SHISA9: variants seen among roughly 807,000 people sequenced by gnomAD.
SHISA9 encodes shisa family member 9.
Under a neutral mutation model 38.0 loss-of-function variants are expected in SHISA9, and 13 were observed. The observed-to-expected ratio is 0.34, with a 90% CI of 0.22 to 0.54. SHISA9 has a LOEUF of 0.54. Among genes scored for constraint, SHISA9 ranks in the 20% least tolerant of loss-of-function variants. The pLI is 0.91. For missense variants in SHISA9, 538 were observed against 575.8 expected (o/e 0.93, Z 0.67); for synonymous variants, 275 against 242.0 (o/e 1.14, Z -1.27).
At chr16:13,191,245 T>C (rs73507119) in intron 2 of SHISA9, among the ~76,000 whole-genome samples, 189 of 152,384 alleles carry the variant, frequency 1.2e-3, no homozygotes, top group African/African-American at 4.4e-3. Flanking sequence ...TTTGTTCTTA[T>C]GAGACTAACT....
At chr16:13,371,196 T>C in the SHISA9 span, among the ~76,000 whole-genome samples, 1 of 152,198 alleles carries the variant, frequency 6.6e-6, no homozygotes, top group Non-Finnish European at 1.5e-5. Context: ...AGAGTTGGGA[T>C]TTGAACCTAG....
the SHISA9 span, among the ~76,000 whole-genome samples, chr16:13,484,517 C>G: frequency 6.6e-6 from 1 of 152,186 alleles, no homozygotes; most frequent in South Asian, 2.1e-4. Context: ...ATGCTTCCAG[C>G]CAGCCCTCAG....
the SHISA9 span, among the ~76,000 whole-genome samples, chr16:13,257,936 C>G: frequency 6.6e-6 from 1 of 152,162 alleles, no homozygotes; most frequent in Admixed American, 6.5e-5. Flanking sequence ...TTGCAAGCAT[C>G]CTTCGCTAAA....
At chr16:13,443,018 T>C in the SHISA9 span, among the ~76,000 whole-genome samples, 5 of 152,284 alleles carry the variant, frequency 3.3e-5, no homozygotes, top group East Asian at 9.6e-4. Flanking sequence ...CTTTCCTTCA[T>C]CAGAGCCATA....
the SHISA9 span, among the ~76,000 whole-genome samples, chr16:13,366,422 C>T: frequency 6.6e-6 from 1 of 152,190 alleles, no homozygotes; most frequent in African/African-American, 2.4e-5. Flanking sequence ...ATACAGATCA[C>T]TTAAGGATCT....
At chr16:13,258,817 C>T in the SHISA9 span, among the ~76,000 whole-genome samples, 1 of 152,194 alleles carries the variant, frequency 6.6e-6, no homozygotes, top group Non-Finnish European at 1.5e-5. Flanking sequence ...ATTCAATTAC[C>T]TCCCTCTGGG....
chr16:13,495,074 C>T, the SHISA9 span, among the ~76,000 whole-genome samples: 1 of 151,994 alleles, frequency 6.6e-6, no homozygotes, highest in East Asian at 1.9e-4. Context: ...GGTATAAAGA[C>T]GGGGTGGAAA....
At chr16:13,246,488 A>T in the SHISA9 span, 1 of 152,208 alleles carries the variant, frequency 6.6e-6, no homozygotes, top group Non-Finnish European at 1.5e-5. Context: ...TTTCTCATAC[A>T]TTCAGTCTCA....
At chr16:12,937,706 C>T (rs1254026216) in intron 2 of SHISA9, among the ~76,000 whole-genome samples, 1 of 152,162 alleles carries the variant, frequency 6.6e-6, no homozygotes, top group Non-Finnish European at 1.5e-5. Context: ...GGGGACCCAC[C>T]CTGTGAGATT....
intron 1 of SHISA9, among the ~76,000 whole-genome samples, chr16:12,915,729 C>A (rs1271619546): frequency 1.3e-5 from 2 of 152,166 alleles, no homozygotes; most frequent in Admixed American, 1.3e-4. Context: ...GGAAGGGTTT[C>A]ACATTCAGCA....
chr16:13,191,928 G>A (rs990222012), intron 2 of SHISA9, among the ~76,000 whole-genome samples: 1 of 152,176 alleles, frequency 6.6e-6, no homozygotes. Context: ...CAATAGCAAA[G>A]TTATGGAACC....
chr16:13,337,964 A>G, the SHISA9 span, among the ~76,000 whole-genome samples: 2 of 152,218 alleles, frequency 1.3e-5, no homozygotes, highest in Non-Finnish European at 2.9e-5. Context: ...CTGTGAGTCA[A>G]TTAAACCTCT....
chr16:13,105,519 T>G (rs2073917592), intron 2 of SHISA9, among the ~76,000 whole-genome samples: 1 of 152,210 alleles, frequency 6.6e-6, no homozygotes, highest in African/African-American at 2.4e-5. Flanking sequence ...ATGGGTAGGA[T>G]GTCCCCATGG....
At chr16:13,130,491 C>A (rs527646447) in intron 2 of SHISA9, among the ~76,000 whole-genome samples, 2 of 152,216 alleles carry the variant, frequency 1.3e-5, no homozygotes, top group South Asian at 2.1e-4. Context: ...GATACCACAT[C>A]CTTATATTTC....
chr16:13,000,677 A>C (rs1486061066), intron 2 of SHISA9, among the ~76,000 whole-genome samples: 1 of 152,102 alleles, frequency 6.6e-6, no homozygotes, highest in African/African-American at 2.4e-5. Context: ...GTCTGCTAGG[A>C]GGGCTACGGG....
chr16:13,516,801 A>AG, the SHISA9 span, among the ~76,000 whole-genome samples: 1 of 151,756 alleles, frequency 6.6e-6, no homozygotes, highest in Non-Finnish European at 1.5e-5. Context: ...CCATCCCAAA[A>AG]AAAAAAAAAA....
chr16:13,214,890 G>A (rs186424083), intron 4 of SHISA9, among the ~76,000 whole-genome samples: 1 of 152,246 alleles, frequency 6.6e-6, no homozygotes, highest in South Asian at 2.1e-4. Context: ...AATTGTGCGA[G>A]TTGCAATTCA....
intron 4 of SHISA9, among the ~76,000 whole-genome samples, chr16:13,226,965 G>C (rs2051285453): frequency 6.6e-6 from 1 of 152,170 alleles, no homozygotes; most frequent in Non-Finnish European, 1.5e-5. Flanking sequence ...ACTTCTTGAT[G>C]GTAAGAGCTG....
intron 2 of SHISA9, among the ~76,000 whole-genome samples, chr16:13,065,651 G>T (rs1484585570): frequency 6.6e-6 from 1 of 152,210 alleles, no homozygotes; most frequent in African/African-American, 2.4e-5. Context: ...GGGTTCGAAG[G>T]CTTGCCACGT....
Sources: allele counts gnomAD v4.1 joint callset (sites outside exome capture counted in the v4.1 genomes callset), GRCh38; gene constraint gnomAD v4.1.1; transcripts MANE v1.5; gene names NCBI Gene and HGNC (gene_info 2026-07-23, HGNC 2026-07-21).